GPM6A: variants seen among roughly 807,000 people sequenced by gnomAD.
The protein encoded by GPM6A is glycoprotein M6A, also known as neuronal membrane glycoprotein M6-a.
GPM6A carries 7 observed loss-of-function variants against 32.1 expected under a neutral mutation model. That is an observed-to-expected ratio of 0.22 (90% CI 0.12 to 0.41). GPM6A has a LOEUF of 0.41. Ranked by LOEUF, GPM6A falls within the 10% of genes least tolerant of loss-of-function variation. GPM6A has a pLI of 1.00. For synonymous variants in GPM6A, 130 were observed against 123.4 expected (o/e 1.05, Z -0.35); for missense variants, 235 against 347.2 (o/e 0.68, Z 2.57).
chr4:175,706,182 CAAAGAAAATAGAAGAAATAGAA>C (rs1400962939), intron 1 of GPM6A, among the ~76,000 whole-genome samples: 217 of 149,310 alleles, frequency 1.5e-3, no homozygotes, highest in African/African-American at 4.7e-3. Context: ...TTCAAAATTT[CAAAGAAAATAGAAGAAATAGAA>C]AAAGAAAATA....
chr4:175,771,250 G>C (rs1733176059), intron 1 of GPM6A, among the ~76,000 whole-genome samples: 2 of 151,986 alleles, frequency 1.3e-5, no homozygotes, highest in Non-Finnish European at 2.9e-5. Flanking sequence ...AGCTGTTTTA[G>C]TGCGTTCCAT....
At chr4:175,804,283 A>G (rs1181077486) in intron 1 of GPM6A, among the ~76,000 whole-genome samples, 1 of 152,236 alleles carries the variant, frequency 6.6e-6, no homozygotes, top group African/African-American at 2.4e-5. Context: ...TTGAATTTAA[A>G]TGCCCTTATT....
At chr4:175,703,078 A>G (rs1394300475) in intron 1 of GPM6A, among the ~76,000 whole-genome samples, 1 of 152,226 alleles carries the variant, frequency 6.6e-6, no homozygotes, top group East Asian at 1.9e-4. Context: ...TCTCATGAGC[A>G]TTAAATGAGT....
At chr4:175,666,912 A>T (rs1346003913) in intron 3 of GPM6A, among the ~76,000 whole-genome samples, 1 of 152,212 alleles carries the variant, frequency 6.6e-6, no homozygotes, top group Non-Finnish European at 1.5e-5. Flanking sequence ...TGAAAAACCT[A>T]AACCTGCAGA....
intron 1 of GPM6A, among the ~76,000 whole-genome samples, chr4:175,788,943 T>C (rs1366725512): frequency 6.6e-6 from 1 of 152,078 alleles, no homozygotes; most frequent in Non-Finnish European, 1.5e-5. Context: ...AATATGAAAA[T>C]GAAACACTGC....
At chr4:175,706,938 G>A (rs1366097784) in intron 1 of GPM6A, among the ~76,000 whole-genome samples, 1 of 152,158 alleles carries the variant, frequency 6.6e-6, no homozygotes. Context: ...TAATGCATTA[G>A]CATGCTATAA....
intron 1 of GPM6A, among the ~76,000 whole-genome samples, chr4:175,745,199 T>C (rs1001530836): frequency 6.6e-6 from 1 of 152,144 alleles, no homozygotes; most frequent in African/African-American, 2.4e-5. Flanking sequence ...TGTAAATCTG[T>C]TATCCTGACA....
chr4:175,681,833 ATTTC>A, intron 2 of GPM6A, among the ~76,000 whole-genome samples: 1 of 152,298 alleles, frequency 6.6e-6, no homozygotes, highest in South Asian at 2.1e-4. Context: ...AGTTTCAGGT[ATTTC>A]TTTATAGTAA....
chr4:175,888,382 C>A (rs1447763982), intron 1 of GPM6A, among the ~76,000 whole-genome samples: 1 of 151,836 alleles, frequency 6.6e-6, no homozygotes, highest in Non-Finnish European at 1.5e-5. Flanking sequence ...GAAGCATTTC[C>A]TTTTAATTCA....
chr4:176,001,641 G>A (rs1294913386), intron 1 of GPM6A, among the ~76,000 whole-genome samples: 5 of 152,112 alleles, frequency 3.3e-5, no homozygotes, highest in Non-Finnish European at 7.4e-5. Context: ...CCAGTGACCC[G>A]AGCCAGTGTG....
At chr4:175,782,566 C>T (rs1475932975) in intron 1 of GPM6A, among the ~76,000 whole-genome samples, 6 of 151,928 alleles carry the variant, frequency 3.9e-5, no homozygotes, top group East Asian at 3.9e-4. Flanking sequence ...TAATACAATG[C>T]GGCAAATTAA....
At chr4:175,995,560 C>T (rs1741281715) in intron 1 of GPM6A, among the ~76,000 whole-genome samples, 1 of 152,132 alleles carries the variant, frequency 6.6e-6, no homozygotes, top group South Asian at 2.1e-4. Flanking sequence ...GTTGCATGCC[C>T]CAGACTTCCT....
intron 2 of GPM6A, among the ~76,000 whole-genome samples, chr4:175,690,952 T>C (rs1744264659): frequency 6.6e-6 from 1 of 152,222 alleles, no homozygotes; most frequent in African/African-American, 2.4e-5. Flanking sequence ...GTGATGGACA[T>C]GTGCTAATGT....
intron 1 of GPM6A, among the ~76,000 whole-genome samples, chr4:175,891,931 G>T (rs1282435432): frequency 1.3e-5 from 2 of 152,184 alleles, no homozygotes; most frequent in Non-Finnish European, 2.9e-5. Context: ...CTGCAGGATT[G>T]CCAGGAACAG....
intron 1 of GPM6A, among the ~76,000 whole-genome samples, chr4:175,886,028 G>T (rs1043466114): frequency 6.6e-6 from 1 of 152,086 alleles, no homozygotes; most frequent in African/African-American, 2.4e-5. Flanking sequence ...ATGGAGGTCA[G>T]AATAAAGAGA....
chr4:175,922,627 A>C (rs1377921912), intron 1 of GPM6A, among the ~76,000 whole-genome samples: 1 of 152,222 alleles, frequency 6.6e-6, no homozygotes, highest in Non-Finnish European at 1.5e-5. Context: ...AAAGGAAGAA[A>C]GCAATTCAAG....
At chr4:175,750,128 G>A (rs1028890403) in intron 1 of GPM6A, among the ~76,000 whole-genome samples, 7 of 151,752 alleles carry the variant, frequency 4.6e-5, no homozygotes, top group Non-Finnish European at 8.8e-5. Flanking sequence ...TAGCAATCTC[G>A]GCTCACTGCA....
intron 2 of GPM6A, among the ~76,000 whole-genome samples, chr4:175,684,849 T>TA (rs1171475483): frequency 6.6e-6 from 1 of 151,612 alleles, no homozygotes. Flanking sequence ...TTCTTAACTA[T>TA]TTGTGTGTGT....
intron 1 of GPM6A, among the ~76,000 whole-genome samples, chr4:175,852,981 C>A (rs753182155): frequency 6.6e-6 from 1 of 151,966 alleles, no homozygotes; most frequent in Non-Finnish European, 1.5e-5. Context: ...AACATTGTAC[C>A]CCAAATGGGT....
Sources: allele counts gnomAD v4.1 joint callset (sites outside exome capture counted in the v4.1 genomes callset), GRCh38; gene constraint gnomAD v4.1.1; transcripts MANE v1.5; gene names NCBI Gene and HGNC (gene_info 2026-07-23, HGNC 2026-07-21).